FASN: variants seen among roughly 807,000 people sequenced by gnomAD.
The protein encoded by FASN is 3-hydroxyacyl-[acyl-carrier-protein] dehydratase.
A neutral mutation model predicts 250.0 loss-of-function variants in FASN; 50 were observed. That is an observed-to-expected ratio of 0.20 (90% CI 0.16 to 0.25). The LOEUF is 0.25. FASN is among the 10% of genes least tolerant of loss of function. FASN has a pLI of 1.00. For missense variants in FASN, 3,031 were observed against 3,498.5 expected (o/e 0.87, Z 3.37); for synonymous variants, 1,909 against 1,584.0 (o/e 1.21, Z -4.87).
intron 12 of FASN, 64 bp from the exon 13 acceptor site, chr17:82,089,448 AG>A: frequency 1.2e-6 from 2 of 1,610,864 alleles, no homozygotes; most frequent in Non-Finnish European, 1.7e-6. Flanking sequence ...TCGGAGAGGT[AG>A]GGCGCACCCA....
chr17:82,090,172 G>A (rs2034177115), intron 11 of FASN, among the ~76,000 whole-genome samples: 1 of 152,226 alleles, frequency 6.6e-6, no homozygotes, highest in Non-Finnish European at 1.5e-5. Context: ...ATGGACACGT[G>A]CCTAGGCCCA....
In FASN at chr17:82,081,251, G is replaced by C; in HGVS notation, c.6508C>G (p.Leu2170Val). The change falls in exon 38 of 43, where the codon CTC becomes GTC. Residue 2170 changes from leucine (L) to valine (V), a missense_variant. Transcript: ENST00000306749. ...VEVRQTLERE[L>V]NLVLSVREVR... The stretch of plus-strand genomic sequence containing the variant: ...TCGCGCACGGACAGCACCAGGTTGA[G>C]CTCACGCTCCAGCGTCTGGCGCACC... The C allele has an allele frequency of 6.3e-7, 1 of 1,581,154 alleles. No individual in the cohort carries two copies. The highest frequency in any genetic ancestry group is 8.6e-7 in the Non-Finnish European group (1 of 1,164,136).
At position 82,093,368 on chromosome 17, in the gene FASN, T is replaced by C; in HGVS notation, c.506A>G (p.Gln169Arg). 6.2e-7 allele frequency: 1 copy of C among 1,604,288 alleles called. No individual in the cohort carries two copies. The highest frequency in any genetic ancestry group is 1.1e-5 in the South Asian group (1 of 89,270). ...GCTGTGGATGGCCTGGTAGGCGTTC[T>C]GCAGGGCCATCAGGCTGGAGGAGCA... ...TACSSSLMALQNAYQAIHSGQ... is the reference protein window; with the variant it reads ...TACSSSLMALRNAYQAIHSGQ... Residue 169 changes from glutamine to arginine, a missense_variant, in exon 5 of 43, where the codon CAG becomes CGG. Gln to Arg is a conservative substitution (Grantham distance 43). Transcript: ENST00000306749.
At position 82,087,050 on chromosome 17, in the gene FASN, C is replaced by A; in HGVS notation, c.3427G>T (p.Gly1143Trp). The A allele has an allele frequency of 1.9e-6, 3 of 1,611,016 alleles. No homozygotes were observed. Among genetic ancestry groups the A allele is most frequent in the Non-Finnish European group, 2.5e-6 (3 of 1,179,892 alleles). Residue 1143 changes from glycine to tryptophan, a missense_variant and splice_region_variant, in exon 21 of 43, where the codon GGG (glycine) becomes TGG (tryptophan). Physicochemically the swap from Gly to Trp is radical, Grantham distance 184. Transcript: ENST00000306749. ...GAAGCCAGCAGGGCTGGGACCTCAC[C>A]CTTGCACAGTTGCAGCTCCTCCTGC... is the stretch of plus-strand genomic sequence containing the variant. The part of the protein sequence containing the change: ...ALQEELQLCK[G>W]LVQALQTKVT...
Position 82,089,721 on chromosome 17 carries a change from A to C in FASN, c.1876T>G (p.Ser626Ala). 4 of 1,582,980 alleles carry C rather than the reference A, an allele frequency of 2.5e-6. No individual in the cohort carries two copies. In the African/African-American group the frequency reaches 5.4e-5, roughly 21 times the overall value. Residue 626 changes from serine to alanine, a missense_variant, in exon 12 of 43, where the codon TCC becomes GCC. Physicochemically the swap from Ser to Ala is moderately conservative, Grantham distance 99 (BLOSUM62 1). Transcript: ENST00000306749. ...PPGAMAAVGL[S>A]WEECKQRCPP... is the part of the protein sequence containing the mutation. ...CAGCGCTGTTTACACTCCTCCCAGG[A>C]CAAGCCTATGGCAGAGCCAGCCTCA... is the stretch of plus-strand genomic sequence containing the variant.
rs763087495 is a variant in FASN, at chr17:82,087,314, G to A, written c.3223+11C>T. On this transcript the variant is annotated intron_variant, in intron 20 of 42. Coordinates refer to ENST00000306749, the MANE Select transcript of FASN (RefSeq NM_004104.5). ...GGTGGGGGCACTGGGCTGGGGCTGG[G>A]GCGGGGCTACCTTGGGCCTTGTCCT... 6.2e-7 allele frequency: 1 copy of A among 1,610,338 alleles called. No individual in the cohort carries two copies. The highest frequency in any genetic ancestry group is 2.2e-5 in the East Asian group (1 of 44,820).
At position 82,085,389 on chromosome 17, in the gene FASN, C is replaced by T. The variant is rs2034076905; in HGVS notation, c.4136G>A (p.Ser1379Asn). 6.2e-7 allele frequency: 1 copy of T among 1,610,820 alleles called. No homozygotes were observed. Among genetic ancestry groups the T allele is most frequent in the Non-Finnish European group, 8.5e-7 (1 of 1,179,244 alleles). ...QGILSQDAWESLFSRVSLRLV... is the reference protein window; with the variant it reads ...QGILSQDAWENLFSRVSLRLV... ...GCGCAGCGACACCCTGGAGAAGAGG[C>T]TCTCCCACGCGTCCTGTGGGGGCGG... Residue 1379 changes from serine to asparagine, a missense_variant, in exon 24 of 43, where the codon AGC becomes AAC. By Grantham distance (46) the Ser-to-Asn change is conservative. Coordinates refer to ENST00000306749, the MANE Select transcript of FASN (RefSeq NM_004104.5).
intron 8 of FASN, 132 bp downstream of exon 8, chr17:82,092,323 G>A (rs542326062): frequency 2.4e-4 from 237 of 970,828 alleles, no homozygotes; most frequent in Non-Finnish European, 3.1e-4. Context: ...AGCATAGCCC[G>A]GGGGACAGAG....
rs928820587 is a variant in FASN at position 82,096,167 on chromosome 17, CG to C, written c.127+151del. On this transcript the variant is annotated intron_variant, in intron 2 of 42. Transcript: ENST00000306749. The stretch of plus-strand genomic sequence containing the variant: ...CAGGAAGGAGGCTGCAGCTAGGCCT[CG>C]CCCATGGGTGACCAGTGGCTCTGCA... The C allele has an allele frequency of 1.1e-5, 14 of 1,261,844 alleles. No homozygotes were observed. The African/African-American group carries it at 2.0e-4, about 18-fold the overall frequency. 78.2% of individuals were successfully genotyped at this position (1,261,844 alleles called of 1,614,324 possible). A position where few individuals can be genotyped will look rare whatever the true frequency, so the allele number is the denominator to read the frequency against.
rs370666251 is a variant in FASN, at chr17:82,083,958, C to G, written c.5098+17G>C. ...GGGCCAGGAGGGCAGCGGGAGGCACCGGGGGCGGGGCCTTACCCACGGTGG... is the reference window on the plus strand; with the variant it reads ...GGGCCAGGAGGGCAGCGGGAGGCACGGGGGGCGGGGCCTTACCCACGGTGG... On this transcript the variant is annotated intron_variant, in intron 29 of 42. Transcript: ENST00000306749. The G allele has an allele frequency of 1.9e-6, 3 of 1,543,152 alleles. No homozygotes were observed. The highest frequency in any genetic ancestry group is 2.6e-6 in the Non-Finnish European group (3 of 1,146,342).
In FASN at chr17:82,088,232, C is replaced by A. The variant is rs1181727150; in HGVS notation, c.2669G>T (p.Gly890Val). The A allele has an allele frequency of 5.0e-6, 8 of 1,610,738 alleles. No individual in the cohort carries two copies. The highest frequency in any genetic ancestry group is 6.8e-6 in the Non-Finnish European group (8 of 1,179,978). Residue 890 changes from glycine (G) to valine (V), a missense_variant, in exon 17 of 43, where the codon GGC (glycine) becomes GTC (valine). Coordinates refer to ENST00000306749, the MANE Select transcript of FASN (RefSeq NM_004104.5). ...CGTCTTCCACACTATGCTCAGGTAG[C>A]CAGTGGCGGGGAAGAGGACGCGACC... ...LDGRVLFPAT[G>V]YLSIVWKTLA...
chr17:82,097,406 GGCCCCAGGGCCTGATACGCGCGCC>G (rs1431911133), intron 1 of FASN: 3 of 152,260 alleles, frequency 2.0e-5, no homozygotes, highest in Non-Finnish European at 4.4e-5. Flanking sequence ...ACTTGCACGA[GGCCCCAGGGCCTGATACGCGCGCC>G]GCCCCTCGGC....
rs781639272 is a variant in FASN, at chr17:82,088,403, G to A, written c.2580C>T (p.Ala860=). ...FPNGSGSPSA[A]IYNIDTSSES... Reference sequence around the variant, plus strand: ...GCCCCTGCTCACCGATGTTGTAGATGGCGGCTGAGGGGGAACCTGAACCGT... The same window carrying A: ...GCCCCTGCTCACCGATGTTGTAGATAGCGGCTGAGGGGGAACCTGAACCGT... The change falls in exon 16 of 43, where the codon GCC becomes GCT. Residue 860 remains alanine, a synonymous_variant. Transcript: ENST00000306749. 1.2e-6 allele frequency: 2 copies of A among 1,612,280 alleles called. No homozygotes were observed. Among genetic ancestry groups the A allele is most frequent in the Non-Finnish European group, 1.7e-6 (2 of 1,179,688 alleles).
intron 22 of FASN, 127 bp from the exon 23 acceptor site, chr17:82,085,998 G>A: frequency 3.9e-6 from 5 of 1,283,678 alleles, no homozygotes; most frequent in Non-Finnish European, 4.2e-6. Context: ...GACGGTGCCA[G>A]CCATGGGCAC....
rs2144799768 is a variant in FASN, at chr17:82,089,746, A to G, written c.1871-20T>C. The G allele has an allele frequency of 1.9e-6, 3 of 1,572,572 alleles. No individual in the cohort carries two copies. Among genetic ancestry groups the G allele is most frequent in the Non-Finnish European group, 2.6e-6 (3 of 1,160,166 alleles). On this transcript the variant is annotated intron_variant, in intron 11 of 42. Coordinates refer to ENST00000306749, the MANE Select transcript of FASN (RefSeq NM_004104.5). ...ACAAGCCTATGGCAGAGCCAGCCTC[A>G]GAGGCTTAGCGTGGACACCGAGCCG... is the stretch of plus-strand genomic sequence containing the variant.
chr17:82,087,901 G>A (rs1424466385), intron 18 of FASN, 40 bp from the exon 19 acceptor site: 2 of 1,612,020 alleles, frequency 1.2e-6, no homozygotes, highest in South Asian at 2.2e-5. Context: ...AGGACGGGCG[G>A]CATGGCCAGC....
intron 37 of FASN, 98 bp from the exon 38 acceptor site, chr17:82,081,450 C>T: frequency 1.3e-6 from 2 of 1,569,282 alleles, no homozygotes; most frequent in Non-Finnish European, 1.7e-6. Context: ...CTGTGCATCT[C>T]CCAAAGCACC....
chr17:82,080,968 C>G (rs910786129), intron 38 of FASN, 46 bp from the exon 39 acceptor site: 1 of 1,522,552 alleles, frequency 6.6e-7, no homozygotes, highest in Non-Finnish European at 8.9e-7. Flanking sequence ...GTGCAGAGCC[C>G]TGGCACCCAC....
rs1394687458 is a variant in FASN at position 82,087,398 on chromosome 17, G to A, written c.3150C>T (p.Thr1050=). ...GSAKHGLYLP[T]RVTAIHIDPA... ...GGTCGATGTGGATGGCGGTGACACG[G>A]GTGGGCAGGTACAGGCCGTGCTTGG... The change falls in exon 20 of 43, where the codon ACC becomes ACT. Residue 1050 remains threonine (T), a synonymous_variant. Transcript: ENST00000306749. 2.5e-6 allele frequency: 4 copies of A among 1,612,708 alleles called. No homozygotes were observed. The highest frequency in any genetic ancestry group is 3.4e-6 in the Non-Finnish European group (4 of 1,179,998).
Sources: gnomAD v4.1 joint callset for allele counts (sites outside exome capture counted in the v4.1 genomes callset) on GRCh38, gnomAD v4.1.1 for gene constraint, MANE v1.5 for transcripts, NCBI Gene and HGNC (gene_info 2026-07-23, HGNC 2026-07-21) for gene names.